NUDCD1: variants seen among roughly 807,000 people sequenced by gnomAD.
NUDCD1 encodes the protein nudC domain-containing protein 1.
NUDCD1 carries 60 observed loss-of-function variants against 67.8 expected under a neutral mutation model. The ratio of observed to expected loss-of-function variants is 0.88; its 90% CI spans 0.72 to 1.10. The LOEUF is 1.10. Ranked by LOEUF, NUDCD1 falls within the 50% of genes least tolerant of loss-of-function variation. The pLI, the probability that NUDCD1 is intolerant of heterozygous loss-of-function variation, is 0.00. For missense variants in NUDCD1, 643 were observed against 695.0 expected (o/e 0.93, Z 0.84); for synonymous variants, 244 against 230.8 (o/e 1.06, Z -0.52).
chr8:109,256,055 C>T (rs909684133), intron 8 of NUDCD1, among the ~76,000 whole-genome samples: 1 of 151,710 alleles, frequency 6.6e-6, no homozygotes, highest in African/African-American at 2.4e-5. Flanking sequence ...TACAAAAAAT[C>T]CAAAAATTAG....
chr8:109,280,953 AT>A lies in NUDCD1; in HGVS notation c.1028+14del, dbSNP rs1563669902. ...AAAGATAATAGAATATTAAAGTAAA[AT>A]TAAAAAAAAATACCTATTACTCTCT... On this transcript the variant is annotated intron_variant, in intron 6 of 9. Transcript: ENST00000239690. 5 of 1,242,404 alleles carry A rather than the reference AT, an allele frequency of 4.0e-6. No homozygotes were observed. The highest frequency in any genetic ancestry group is 5.4e-6 in the Non-Finnish European group (5 of 930,026). 77.0% of individuals were successfully genotyped at this position (1,242,404 alleles called of 1,614,324 possible).
intron 2 of NUDCD1, among the ~76,000 whole-genome samples, chr8:109,306,639 C>A (rs1040736863): frequency 1.1e-4 from 16 of 151,646 alleles, no homozygotes; most frequent in Non-Finnish European, 2.1e-4. Flanking sequence ...GAACCCCCCC[C>A]ACCCCCGGAC....
intron 7 of NUDCD1, among the ~76,000 whole-genome samples, chr8:109,273,862 A>T (rs1814216068): frequency 6.6e-6 from 1 of 152,118 alleles, no homozygotes; most frequent in South Asian, 2.1e-4. Context: ...GCAAAAAACA[A>T]AACAACACAA....
chr8:109,266,598 T>C (rs547152688), intron 8 of NUDCD1, among the ~76,000 whole-genome samples: 2 of 152,190 alleles, frequency 1.3e-5, no homozygotes, highest in South Asian at 4.1e-4. Context: ...TGGTTGTGTA[T>C]TTTATATTTA....
intron 5 of NUDCD1, among the ~76,000 whole-genome samples, chr8:109,289,477 A>G (rs1423362430): frequency 1.3e-5 from 2 of 152,198 alleles, no homozygotes; most frequent in Non-Finnish European, 2.9e-5. Context: ...CATTTATTTG[A>G]TAACTATTTA....
intron 2 of NUDCD1, chr8:109,298,781 C>T (rs1444928772): frequency 6.6e-6 from 1 of 152,174 alleles, no homozygotes; most frequent in Non-Finnish European, 1.5e-5. Flanking sequence ...AGCTCCAACT[C>T]TGATGGACAG....
At chr8:109,283,581 C>T (rs1814505628) in intron 5 of NUDCD1, among the ~76,000 whole-genome samples, 1 of 152,202 alleles carries the variant, frequency 6.6e-6, no homozygotes, top group Non-Finnish European at 1.5e-5. Flanking sequence ...TAACAGCAGA[C>T]TTCTCAGCAG....
intron 8 of NUDCD1, among the ~76,000 whole-genome samples, chr8:109,254,736 A>G (rs974457507): frequency 3.9e-5 from 6 of 152,140 alleles, no homozygotes; most frequent in Non-Finnish European, 7.4e-5. Flanking sequence ...AGACTACTGA[A>G]GATTAAATGT....
intron 5 of NUDCD1, among the ~76,000 whole-genome samples, chr8:109,283,696 G>C (rs1440051337): frequency 6.6e-6 from 1 of 152,120 alleles, no homozygotes; most frequent in Admixed American, 6.5e-5. Flanking sequence ...ATAAGTGAAA[G>C]AGAAACAAAA....
intron 2 of NUDCD1, among the ~76,000 whole-genome samples, chr8:109,300,915 T>C (rs968532191): frequency 6.6e-6 from 1 of 152,180 alleles, no homozygotes; most frequent in African/African-American, 2.4e-5. Context: ...GCTGAAGCCC[T>C]ACAAGCTAGA....
intron 1 of NUDCD1, 144 bp from the exon 2 acceptor site, chr8:109,322,607 A>G (rs763134545): frequency 2.6e-5 from 15 of 569,520 alleles, no homozygotes; most frequent in Non-Finnish European, 4.4e-5. Flanking sequence ...TCATTCTTTC[A>G]AAGATAATTT....
At chr8:109,245,183 A>G in intron 9 of NUDCD1, 139 bp downstream of exon 9, 1 of 792,188 alleles carries the variant, frequency 1.3e-6, no homozygotes, top group South Asian at 2.1e-5. Flanking sequence ...AACTAGTACA[A>G]GCAAACAAAT....
At chr8:109,320,310 G>T (rs866450905) in intron 2 of NUDCD1, among the ~76,000 whole-genome samples, 1 of 152,110 alleles carries the variant, frequency 6.6e-6, no homozygotes, top group Non-Finnish European at 1.5e-5. Flanking sequence ...CCATGCCCAG[G>T]GGGGCCAGTT....
At chr8:109,260,191 A>AT (rs1475584374) in intron 8 of NUDCD1, among the ~76,000 whole-genome samples, 1 of 152,158 alleles carries the variant, frequency 6.6e-6, no homozygotes, top group Non-Finnish European at 1.5e-5. Flanking sequence ...ATCATATGCT[A>AT]TTTTTTCCTT....
At chr8:109,290,599 C>T (rs1014673314) in intron 4 of NUDCD1, among the ~76,000 whole-genome samples, 2 of 152,064 alleles carry the variant, frequency 1.3e-5, no homozygotes, top group African/African-American at 4.8e-5. Context: ...TATCTATATG[C>T]TTATAATTAA....
chr8:109,327,636 CT>C (rs1458129059), intron 1 of NUDCD1, among the ~76,000 whole-genome samples: 1 of 152,228 alleles, frequency 6.6e-6, no homozygotes, highest in Non-Finnish European at 1.5e-5. Flanking sequence ...AATGTATTTA[CT>C]ATCAATGCAT....
At chr8:109,316,607 A>G (rs1408855338) in intron 2 of NUDCD1, 1 of 152,238 alleles carries the variant, frequency 6.6e-6, no homozygotes, top group Non-Finnish European at 1.5e-5. Flanking sequence ...TTAGTGGTCA[A>G]CATTCTCTAC....
chr8:109,257,806 T>C (rs1813772757), intron 8 of NUDCD1, among the ~76,000 whole-genome samples: 1 of 152,100 alleles, frequency 6.6e-6, no homozygotes, highest in Non-Finnish European at 1.5e-5. Flanking sequence ...TTGTTGTAGT[T>C]TGTAAGTAGC....
chr8:109,274,678 T>C (rs1479869070), intron 7 of NUDCD1, among the ~76,000 whole-genome samples: 10 of 152,142 alleles, frequency 6.6e-5, no homozygotes. Flanking sequence ...CAAGTAACAT[T>C]ACAGTATAAA....
Sources: gnomAD v4.1 joint callset for allele counts (sites outside exome capture counted in the v4.1 genomes callset) on GRCh38, gnomAD v4.1.1 for gene constraint, MANE v1.5 for transcripts, NCBI Gene and HGNC (gene_info 2026-07-23, HGNC 2026-07-21) for gene names.